VSTM5: variants seen among roughly 807,000 people sequenced by gnomAD.
The protein encoded by VSTM5 is V-set and transmembrane domain-containing protein 5.
Under a neutral mutation model 20.3 loss-of-function variants are expected in VSTM5, and 21 were observed. That is an observed-to-expected ratio of 1.03 (90% CI 0.73 to 1.49). The LOEUF (loss-of-function observed/expected upper bound fraction) is 1.49, where lower values mean the gene tolerates loss of function less well. Among genes scored for constraint, VSTM5 ranks in the 40% most tolerant of loss-of-function variants. VSTM5 has a pLI of 0.00. For synonymous variants in VSTM5, 100 were observed against 102.5 expected (o/e 0.98, Z 0.14); for missense variants, 219 against 250.0 (o/e 0.88, Z 0.84).
chr11:93,824,505 T>A (rs1344423338), intron 1 of VSTM5, among the ~76,000 whole-genome samples: 1 of 152,208 alleles, frequency 6.6e-6, no homozygotes, highest in Non-Finnish European at 1.5e-5. Context: ...TTAAATCATG[T>A]GTTTCTTTTT....
chr11:93,831,858 TG>T (rs57467821), intron 1 of VSTM5, among the ~76,000 whole-genome samples: 7,024 of 152,292 alleles, frequency 0.046, 504 homozygotes, highest in African/African-American at 0.16. Flanking sequence ...TTGACTGACC[TG>T]GGCCGTTATC....
chr11:93,845,098 GGTCTA>G, intron 1 of VSTM5, among the ~76,000 whole-genome samples: 1 of 152,292 alleles, frequency 6.6e-6, no homozygotes, highest in African/African-American at 2.4e-5. Flanking sequence ...GGAGGGGAAT[GGTCTA>G]GTCTAGTGCA....
intron 1 of VSTM5, among the ~76,000 whole-genome samples, chr11:93,835,406 G>T (rs1006304303): frequency 6.6e-6 from 1 of 151,974 alleles, no homozygotes; most frequent in Non-Finnish European, 1.5e-5. Flanking sequence ...CTGGGCAAAA[G>T]AACAAAACCC....
chr11:93,838,076 G>A (rs1421925073), intron 1 of VSTM5, among the ~76,000 whole-genome samples: 3 of 152,280 alleles, frequency 2.0e-5, no homozygotes, highest in South Asian at 2.1e-4. Context: ...CAGTGGAGCC[G>A]AAAGACCCAG....
intron 1 of VSTM5, among the ~76,000 whole-genome samples, chr11:93,847,959 G>GTC (rs1944427299): frequency 6.6e-6 from 1 of 152,122 alleles, no homozygotes. Context: ...GAGAGCTCTG[G>GTC]TCTCTCTTCC....
In VSTM5 at chr11:93,819,163, A is replaced by G. The variant is rs626216; in HGVS notation, c.*1406T>C. The G allele has an allele frequency of 0.79, 120,341 of 152,278 alleles. 49,016 individuals are homozygous for G. The highest frequency in any genetic ancestry group is 0.89 in the Admixed American group (13,665 of 15,296). 9.4% of individuals were successfully genotyped at this position (152,278 alleles called of 1,614,324 possible). On this transcript the variant is annotated 3_prime_UTR_variant, in exon 4 of 4. Transcript: ENST00000409977. The stretch of plus-strand genomic sequence containing the variant: ...TGGACATTGGAGGCCTGAAAGGAGG[A>G]AGAAGAGAAAGGAATGTTCTAAGAC...
chr11:93,821,593 T>C (rs1331786105), intron 1 of VSTM5: 6 of 452,546 alleles, frequency 1.3e-5, no homozygotes, highest in African/African-American at 1.2e-4. Flanking sequence ...GACACCTTTG[T>C]AGCAAGGTGG....
intron 1 of VSTM5, among the ~76,000 whole-genome samples, chr11:93,841,081 A>G (rs1487364384): frequency 1.3e-5 from 2 of 151,744 alleles, no homozygotes; most frequent in Non-Finnish European, 2.9e-5. Flanking sequence ...TACTCTCTCT[A>G]CACCTCTCCC....
At chr11:93,828,676 C>A (rs1040404517) in intron 1 of VSTM5, among the ~76,000 whole-genome samples, 1 of 152,158 alleles carries the variant, frequency 6.6e-6, no homozygotes, top group East Asian at 1.9e-4. Context: ...CTCATTTTCA[C>A]CTCATTTATC....
At chr11:93,849,692 G>A (rs952621218) in intron 1 of VSTM5, among the ~76,000 whole-genome samples, 1 of 152,256 alleles carries the variant, frequency 6.6e-6, no homozygotes, top group Admixed American at 6.5e-5. Context: ...GAATGGTAAT[G>A]ATTAAATGAG....
intron 1 of VSTM5, among the ~76,000 whole-genome samples, chr11:93,824,377 A>G (rs1320731072): frequency 2.0e-5 from 3 of 152,198 alleles, no homozygotes; most frequent in Non-Finnish European, 2.9e-5. Context: ...GTTAGGTGAT[A>G]TCTCATTGTG....
Position 93,819,066 on chromosome 11 carries a change from G to T in VSTM5, c.*1503C>A, listed in dbSNP as rs560430282. 6.6e-6 allele frequency: 1 copy of T among 152,274 alleles called. No homozygotes were observed. Among genetic ancestry groups the T allele is most frequent in the Admixed American group, 6.5e-5 (1 of 15,298 alleles). The allele number at this position is 152,274 out of a possible 1,614,324, so 9.4% of individuals were successfully genotyped here. On this transcript the variant is annotated 3_prime_UTR_variant, in exon 4 of 4. Coordinates refer to ENST00000409977, the MANE Select transcript of VSTM5 (RefSeq NM_001144871.2). The stretch of plus-strand genomic sequence containing the variant: ...TGAGAGATCCCTTCCCAAAACTCTG[G>T]ATTCAATATTGAGGGAAAGGGCTGT...
In VSTM5 at chr11:93,821,034, C is replaced by G. The variant is rs1944179602; in HGVS notation, c.381G>C (p.Gly127=). Reference sequence around the variant, plus strand: ...GCACGATGGTGCCAAACTGGCTGCTCCCCAGGCGCTCCGTCACGGTGATGA... The same window carrying G: ...GCACGATGGTGCCAAACTGGCTGCTGCCCAGGCGCTCCGTCACGGTGATGA... ...YYVITVTERL[G]SSQFGTIVLH... The change falls in exon 2 of 4, where the codon GGG becomes GGC. Residue 127 remains glycine, a synonymous_variant. Transcript: ENST00000409977. 3 of 1,551,590 alleles carry G rather than the reference C, an allele frequency of 1.9e-6. No homozygotes were observed. The South Asian group carries it at 3.6e-5, about 18-fold the overall frequency.
Position 93,821,214 on chromosome 11 carries a change from C to T in VSTM5, c.201G>A (p.Trp67Ter). Reference sequence around the variant, plus strand: ...GCGTTCCCCAATTGGATGAATATGTCCATTCGATGGTGGGCACTCCATGAC... The same window carrying T: ...GCGTTCCCCAATTGGATGAATATGTTCATTCGATGGTGGGCACTCCATGAC... ...YSCHGVPTIE[W>*]TYSSNWGTQK... is the part of the protein sequence containing the mutation. Residue 67 changes from tryptophan to a stop codon, truncating the protein, a stop_gained, in exon 2 of 4, where the codon TGG (tryptophan) becomes TGA (stop). Transcript: ENST00000409977. LOFTEE classifies it high-confidence loss of function. 6.4e-7 allele frequency: 1 copy of T among 1,552,046 alleles called. No homozygotes were observed. The highest frequency in any genetic ancestry group is 1.2e-5 in the South Asian group (1 of 84,056).
At chr11:93,820,703 C>A (rs1034170177) in intron 3 of VSTM5, 40 bp downstream of exon 3, 1 of 1,551,588 alleles carries the variant, frequency 6.4e-7, no homozygotes, top group Non-Finnish European at 8.7e-7. Flanking sequence ...CCTCTGGCCT[C>A]AAAACCACTC....
At chr11:93,839,156 G>C (rs576297009) in intron 1 of VSTM5, among the ~76,000 whole-genome samples, 2 of 152,392 alleles carry the variant, frequency 1.3e-5, no homozygotes, top group East Asian at 1.9e-4. Flanking sequence ...TCTGTCCCGA[G>C]AGTGTGAACT....
At chr11:93,846,228 G>C (rs1321223505) in intron 1 of VSTM5, among the ~76,000 whole-genome samples, 1 of 138,330 alleles carries the variant, frequency 7.2e-6, no homozygotes, top group Non-Finnish European at 1.6e-5. Context: ...TTCCCAAAGA[G>C]TCTTACATCA....
chr11:93,846,638 C>A lies in VSTM5; in HGVS notation c.91+3774G>T, dbSNP rs555936826. On this transcript the variant is annotated intron_variant, in intron 1 of 3. Coordinates refer to ENST00000409977, the MANE Select transcript of VSTM5 (RefSeq NM_001144871.2). ...AAAAAGCAGCATATTTATATGATGA[C>A]ATATGTAGAGAAGTTGAAAGGAATG... 4.0e-5 allele frequency among the ~76,000 whole-genome samples: 6 copies of A among 151,826 alleles called. No homozygotes were observed. In the South Asian group the frequency reaches 8.3e-4, roughly 21 times the overall value.
At chr11:93,839,566 C>T (rs1172964800) in intron 1 of VSTM5, among the ~76,000 whole-genome samples, 1 of 152,222 alleles carries the variant, frequency 6.6e-6, no homozygotes, top group Non-Finnish European at 1.5e-5. Context: ...AGTAAGCACT[C>T]TCTATGAGGT....
Sources: allele counts gnomAD v4.1 joint callset (sites outside exome capture counted in the v4.1 genomes callset), GRCh38; gene constraint gnomAD v4.1.1; transcripts MANE v1.5; gene names NCBI Gene and HGNC (gene_info 2026-07-23, HGNC 2026-07-21).